The following DEFB124 variants were observed in gnomAD, a reference collection of about 807,000 sequenced individuals.
DEFB124 encodes the protein beta-defensin 124.
For synonymous variants in DEFB124, 38 were observed against 36.5 expected (o/e 1.04, Z -0.15); for missense variants, 78 against 83.1 (o/e 0.94, Z 0.24).
At chr20:31,466,526 G>A (rs1235707103) in intron 2 of DEFB124, among the ~76,000 whole-genome samples, 1 of 150,900 alleles carries the variant, frequency 6.6e-6, no homozygotes, top group African/African-American at 2.5e-5. Flanking sequence ...CTTGAACCCG[G>A]AAGGCGGAGG....
intron 2 of DEFB124, among the ~76,000 whole-genome samples, chr20:31,469,196 G>T (rs1351190440): frequency 6.6e-6 from 1 of 152,128 alleles, no homozygotes; most frequent in Non-Finnish European, 1.5e-5. Flanking sequence ...GCCGGGGTGG[G>T]TCAATCACCT....
intron 2 of DEFB124, among the ~76,000 whole-genome samples, chr20:31,467,209 C>T (rs1980105153): frequency 6.6e-6 from 1 of 152,230 alleles, no homozygotes; most frequent in Non-Finnish European, 1.5e-5. Context: ...CCCTGCATCT[C>T]TCTGGATTAA....
intron 2 of DEFB124, among the ~76,000 whole-genome samples, chr20:31,471,878 A>G (rs1194004802): frequency 6.8e-6 from 1 of 147,462 alleles, no homozygotes; most frequent in African/African-American, 2.5e-5. Context: ...CACTTCCTAG[A>G]CGGGATGGCG....
At chr20:31,469,779 C>G (rs376183482) in intron 2 of DEFB124, among the ~76,000 whole-genome samples, 9 of 149,862 alleles carry the variant, frequency 6.0e-5, no homozygotes, top group East Asian at 5.8e-4. Flanking sequence ...GGTCACCGAT[C>G]GACAGGATCC....
At chr20:31,472,661 T>A (rs1980367129) in intron 2 of DEFB124, 3 of 357,296 alleles carry the variant, frequency 8.4e-6, no homozygotes, top group Non-Finnish European at 1.5e-5. Flanking sequence ...GTCAGCTGCA[T>A]GAAAGCAAGG....
intron 2 of DEFB124, among the ~76,000 whole-genome samples, chr20:31,470,922 G>T (rs1183649004): frequency 2.2e-5 from 3 of 139,490 alleles, no homozygotes; most frequent in Non-Finnish European, 4.7e-5. Context: ...GGCTGGCCCG[G>T]CAGAGGGGCT....
chr20:31,471,977 C>T (rs199570716), intron 2 of DEFB124, among the ~76,000 whole-genome samples: 14,527 of 151,402 alleles, frequency 0.096, 277 homozygotes, highest in East Asian at 0.24. Flanking sequence ...CAGGCAGAGA[C>T]GCTCCTCACT....
At chr20:31,466,138 C>A (rs1051215366) in intron 2 of DEFB124, among the ~76,000 whole-genome samples, 1 of 152,156 alleles carries the variant, frequency 6.6e-6, no homozygotes, top group Non-Finnish European at 1.5e-5. Flanking sequence ...GACTGGGCAA[C>A]AGAGGGAGAC....
At chr20:31,470,603 C>T (rs1980231411) in intron 2 of DEFB124, among the ~76,000 whole-genome samples, 1 of 86,598 alleles carries the variant, frequency 1.2e-5, no homozygotes, top group Non-Finnish European at 2.1e-5. Context: ...GGGCGGGGGG[C>T]TGACCCCCCC....
chr20:31,470,805 G>A (rs576446754), intron 2 of DEFB124, among the ~76,000 whole-genome samples: 1,692 of 133,420 alleles, frequency 0.013, 19 homozygotes, highest in African/African-American at 0.046. Context: ...CTCACCTCCC[G>A]GACGGGGCGG....
At chr20:31,468,632 C>A (rs1038750001) in intron 2 of DEFB124, among the ~76,000 whole-genome samples, 3 of 152,084 alleles carry the variant, frequency 2.0e-5, no homozygotes, top group African/African-American at 7.2e-5. Flanking sequence ...CCCACCACCA[C>A]GCCCAACTAA....
chr20:31,466,606 A>AATATATATATATATATATATATATAT lies in DEFB124; in HGVS notation c.59-944_59-943insATATATATATATATATATATATATAT, dbSNP rs369305241. On this transcript the variant is annotated intron_variant, in intron 2 of 2. Transcript: ENST00000317676. ...CAAACTAAGACTCCATCTCAAAAAG[A>AATATATATATATATATATATATATAT]ATATATATATATATATAAAACCTTA... Among the ~76,000 whole-genome samples, 1,002 of 120,270 alleles carry AATATATATATATATATATATATATAT rather than the reference A, an allele frequency of 8.3e-3. 49 individuals carry two copies. The highest frequency in any genetic ancestry group is 0.031 in the African/African-American group (747 of 24,020). 78.9% of individuals were successfully genotyped at this position (120,270 alleles called of 152,430 possible). A position where few individuals can be genotyped will look rare whatever the true frequency, so the allele number is the denominator to read the frequency against.
At chr20:31,468,682 G>A (rs1422744593) in intron 2 of DEFB124, among the ~76,000 whole-genome samples, 1 of 151,836 alleles carries the variant, frequency 6.6e-6, no homozygotes, top group Non-Finnish European at 1.5e-5. Context: ...TCACCATGTT[G>A]GCCAGGATGG....
intron 2 of DEFB124, 142 bp from the exon 3 acceptor site, chr20:31,465,805 G>C (rs1980068850): frequency 1.0e-6 from 1 of 988,104 alleles, no homozygotes; most frequent in Non-Finnish European, 1.5e-6. Context: ...TCACAGATGA[G>C]AGTACTGATT....
At chr20:31,469,187 C>A (rs996261707) in intron 2 of DEFB124, among the ~76,000 whole-genome samples, 5 of 152,132 alleles carry the variant, frequency 3.3e-5, no homozygotes, top group African/African-American at 1.2e-4. Flanking sequence ...ATTTGGGAGG[C>A]CGGGGTGGGT....
At chr20:31,470,812 G>A (rs1757576861) in intron 2 of DEFB124, among the ~76,000 whole-genome samples, 1 of 138,172 alleles carries the variant, frequency 7.2e-6, no homozygotes. Context: ...CCCGGACGGG[G>A]CGGCTGGCCG....
At chr20:31,471,125 C>A (rs1600568608) in intron 2 of DEFB124, among the ~76,000 whole-genome samples, 2 of 127,012 alleles carry the variant, frequency 1.6e-5, no homozygotes, top group African/African-American at 3.0e-5. Flanking sequence ...GGCGGCTGGC[C>A]GGGCGGGGGG....
At chr20:31,471,076 C>T (rs1980273671) in intron 2 of DEFB124, among the ~76,000 whole-genome samples, 1 of 134,846 alleles carries the variant, frequency 7.4e-6, no homozygotes, top group African/African-American at 2.8e-5. Context: ...ACCTCCCTCC[C>T]GGACGTGGGG....
At chr20:31,472,210 G>C (rs1386413724) in intron 2 of DEFB124, among the ~76,000 whole-genome samples, 13 of 152,282 alleles carry the variant, frequency 8.5e-5, no homozygotes, top group Non-Finnish European at 1.8e-4. Flanking sequence ...AGACCAGCCC[G>C]GCCAACACAG....
Sources: gnomAD v4.1 joint callset for allele counts (sites outside exome capture counted in the v4.1 genomes callset) on GRCh38, gnomAD v4.1.1 for gene constraint, MANE v1.5 for transcripts, NCBI Gene and HGNC (gene_info 2026-07-23, HGNC 2026-07-21) for gene names.